The following VAT1L variants were observed in gnomAD, a reference collection of about 807,000 sequenced individuals.
VAT1L encodes vesicle amine transport 1 like.
Under a neutral mutation model 44.1 loss-of-function variants are expected in VAT1L, and 34 were observed. That is an observed-to-expected ratio of 0.77 (90% confidence interval 0.59 to 1.03). The LOEUF (loss-of-function observed/expected upper bound fraction) is 1.03. Among genes scored for constraint, VAT1L ranks in the 50% least tolerant of loss-of-function variants. The pLI is 0.00. For synonymous variants in VAT1L, 253 were observed against 202.2 expected (o/e 1.25, Z -2.13); for missense variants, 615 against 538.8 (o/e 1.14, Z -1.40).
intron 3 of VAT1L, among the ~76,000 whole-genome samples, chr16:77,853,573 A>G (rs552279911): frequency 6.6e-6 from 1 of 152,230 alleles, no homozygotes; most frequent in South Asian, 2.1e-4. Context: ...ATGATGATTT[A>G]TGTCAGTGAT....
intron 4 of VAT1L, among the ~76,000 whole-genome samples, chr16:77,865,576 G>A (rs981892320): frequency 6.6e-6 from 1 of 152,140 alleles, no homozygotes; most frequent in African/African-American, 2.4e-5. Context: ...TCACATTTTC[G>A]ACATGTGCTC....
chr16:77,842,589 T>C (rs544587330), intron 3 of VAT1L, among the ~76,000 whole-genome samples: 3 of 152,196 alleles, frequency 2.0e-5, no homozygotes, highest in Non-Finnish European at 4.4e-5. Context: ...CAGGAGAACA[T>C]GATACTTTGA....
intron 3 of VAT1L, among the ~76,000 whole-genome samples, chr16:77,845,481 C>G (rs1023794817): frequency 5.3e-5 from 8 of 152,200 alleles, no homozygotes; most frequent in Non-Finnish European, 2.9e-5. Flanking sequence ...CCCCGCCTCA[C>G]CACCCTAACT....
chr16:77,865,499 G>A (rs761280793), intron 4 of VAT1L, among the ~76,000 whole-genome samples: 2 of 152,180 alleles, frequency 1.3e-5, no homozygotes, highest in Non-Finnish European at 2.9e-5. Flanking sequence ...CACTGTCCTT[G>A]TGGAATATAG....
chr16:77,810,098 G>C (rs563247248), intron 1 of VAT1L, among the ~76,000 whole-genome samples: 1 of 152,192 alleles, frequency 6.6e-6, no homozygotes, highest in African/African-American at 2.4e-5. Context: ...ATAATCCTCT[G>C]GACTAAGATC....
intron 3 of VAT1L, among the ~76,000 whole-genome samples, chr16:77,830,153 C>G (rs1379207918): frequency 2.0e-5 from 3 of 152,250 alleles, no homozygotes; most frequent in East Asian, 3.9e-4. Flanking sequence ...CTGACCTTCT[C>G]ACTCTACTCA....
chr16:77,876,828 A>G (rs2017092453), intron 5 of VAT1L, among the ~76,000 whole-genome samples: 1 of 152,212 alleles, frequency 6.6e-6, no homozygotes, highest in Non-Finnish European at 1.5e-5. Context: ...TGAAGGACCC[A>G]CAGTAGGATG....
chr16:77,831,934 G>C (rs2145252117), intron 3 of VAT1L, among the ~76,000 whole-genome samples: 1 of 150,938 alleles, frequency 6.6e-6, no homozygotes, highest in Admixed American at 6.6e-5. Context: ...TCCTGCCTCA[G>C]CCTCCCAAGT....
rs2017120032 is a variant in VAT1L at position 77,879,031 on chromosome 16, C to T, written c.827-138C>T. ...CTTTATGCCTCATTCTCATTCCCCTCACTTTGCCAAGGCTTAATTAAATTT... is the reference window on the plus strand; with the variant it reads ...CTTTATGCCTCATTCTCATTCCCCTTACTTTGCCAAGGCTTAATTAAATTT... On this transcript the variant is annotated intron_variant, in intron 5 of 8. Coordinates refer to ENST00000302536, the MANE Select transcript of VAT1L (RefSeq NM_020927.3). The surrounding 1 kb of genome is among the most constrained non-coding windows in gnomAD (Gnocchi z 4.1). 1.3e-6 allele frequency: 1 copy of T among 761,532 alleles called. No individual in the cohort carries two copies. The highest frequency in any genetic ancestry group is 2.2e-6 in the Non-Finnish European group (1 of 455,864). The allele number at this position is 761,532 out of a possible 1,614,324, so 47.2% of individuals were successfully genotyped here.
intron 1 of VAT1L, among the ~76,000 whole-genome samples, chr16:77,794,261 A>C (rs968523881): frequency 1.3e-5 from 2 of 152,330 alleles, no homozygotes; most frequent in South Asian, 4.1e-4. Context: ...AACTGCTAAG[A>C]TTCAAAATTG....
intron 7 of VAT1L, among the ~76,000 whole-genome samples, chr16:77,968,998 T>C (rs1031497901): frequency 1.3e-5 from 2 of 152,006 alleles, no homozygotes; most frequent in Non-Finnish European, 2.9e-5. Context: ...TTTGTTTTTT[T>C]AGTAGAGATG....
At chr16:77,811,240 G>A (rs1257674287) in intron 1 of VAT1L, among the ~76,000 whole-genome samples, 2 of 152,174 alleles carry the variant, frequency 1.3e-5, no homozygotes, top group East Asian at 1.9e-4. Context: ...CAGGAGAGTA[G>A]AAGACAAGGG....
intron 7 of VAT1L, among the ~76,000 whole-genome samples, chr16:77,929,405 G>A (rs4888697): frequency 0.96 from 146,770 of 152,302 alleles, 70,857 homozygotes; most frequent in East Asian, 1. Flanking sequence ...TTAGGCCCTA[G>A]GGAGTTTCAA....
At chr16:77,831,418 G>T (rs903111851) in intron 3 of VAT1L, among the ~76,000 whole-genome samples, 1 of 152,030 alleles carries the variant, frequency 6.6e-6, no homozygotes, top group Non-Finnish European at 1.5e-5. Context: ...AATTACTCCT[G>T]GCCAAATATT....
intron 7 of VAT1L, among the ~76,000 whole-genome samples, chr16:77,918,824 G>A (rs956803177): frequency 1.2e-4 from 18 of 151,966 alleles, no homozygotes; most frequent in Admixed American, 1.0e-3. Context: ...TGATCTCAAG[G>A]TTCAGAACGC....
intron 7 of VAT1L, among the ~76,000 whole-genome samples, chr16:77,901,152 C>CT (rs1301624444): frequency 8.8e-6 from 1 of 113,550 alleles, no homozygotes; most frequent in African/African-American, 3.9e-5. Flanking sequence ...CAGTAGTTTA[C>CT]CTTTTTTTTT....
rs1381415777 is a variant in VAT1L, at chr16:77,846,641, T to C, written c.580-16107T>C. Among the ~76,000 whole-genome samples, 12 of 152,204 alleles carry C rather than the reference T, an allele frequency of 7.9e-5. No individual in the cohort carries two copies. In the South Asian group the frequency reaches 8.3e-4, roughly 11 times the overall value. On this transcript the variant is annotated intron_variant, in intron 3 of 8. Transcript: ENST00000302536. The stretch of plus-strand genomic sequence containing the variant: ...TGAAACTTAGAATCAAAGATACTTA[T>C]ACAAAAATGTTCACTGAAATACAGT...
intron 2 of VAT1L, 140 bp downstream of exon 2, chr16:77,817,190 G>C: frequency 8.3e-6 from 11 of 1,320,556 alleles, no homozygotes; most frequent in Non-Finnish European, 1.1e-5. Flanking sequence ...TGTTGACAAT[G>C]TTTATAGTCA....
At chr16:77,948,396 C>T (rs999970452) in intron 7 of VAT1L, among the ~76,000 whole-genome samples, 5 of 152,176 alleles carry the variant, frequency 3.3e-5, no homozygotes, top group African/African-American at 1.2e-4. Context: ...ATCCAAACCC[C>T]TCATTTGCAA....
Sources: allele counts gnomAD v4.1 joint callset (sites outside exome capture counted in the v4.1 genomes callset), GRCh38; gene constraint gnomAD v4.1.1; non-coding constraint Gnocchi (gnomAD v3.1); transcripts MANE v1.5; gene names NCBI Gene and HGNC (gene_info 2026-07-23, HGNC 2026-07-21).